DPP9: variants seen among roughly 807,000 people sequenced by gnomAD.
The protein encoded by DPP9 is dipeptidyl peptidase 9.
Under a neutral mutation model 110.7 loss-of-function variants are expected in DPP9, and 50 were observed. That is an observed-to-expected ratio of 0.45 (90% CI 0.36 to 0.57). The LOEUF is 0.57. Ranked by LOEUF, DPP9 falls within the 20% of genes least tolerant of loss-of-function variation. The probability of loss-of-function intolerance (pLI) is 0.00; values close to 1 mark genes in which losing one functional copy is unlikely to be tolerated. For missense variants in DPP9, 1,022 were observed against 1,217.9 expected (o/e 0.84, Z 2.39); for synonymous variants, 561 against 514.4 (o/e 1.09, Z -1.23).
In DPP9 at chr19:4,722,532, T is replaced by A; in HGVS notation, c.-69A>T. 1 of 703,094 alleles carries A rather than the reference T, an allele frequency of 1.4e-6. No homozygotes were observed. Among genetic ancestry groups the A allele is most frequent in the South Asian group, 1.5e-5 (1 of 67,602 alleles). 43.6% of individuals were successfully genotyped at this position (703,094 alleles called of 1,614,324 possible). A position where few individuals can be genotyped will look rare whatever the true frequency, so the allele number is the denominator to read the frequency against. Reference sequence around the variant, plus strand: ...GGGTCCAGAGAGCCTCCATTCCAGCTGCAGGCGTGGGACACAGACCTTTAT... The same window carrying A: ...GGGTCCAGAGAGCCTCCATTCCAGCAGCAGGCGTGGGACACAGACCTTTAT... On this transcript the variant is annotated 5_prime_UTR_variant, in exon 2 of 22. Coordinates refer to ENST00000262960, the MANE Select transcript of DPP9 (RefSeq NM_139159.5).
intron 9 of DPP9, among the ~76,000 whole-genome samples, chr19:4,701,123 G>C (rs1369361742): frequency 1.3e-5 from 2 of 152,162 alleles, no homozygotes; most frequent in African/African-American, 2.4e-5. Context: ...TGGGCTGCAC[G>C]TGTGTTCTGT....
rs751737185 is a variant in DPP9 at position 4,688,739 on chromosome 19, G to A, written c.1885+18C>T. 50 of 1,417,676 alleles carry A rather than the reference G, an allele frequency of 3.5e-5. No homozygotes were observed. The highest frequency in any genetic ancestry group is 4.0e-5 in the Non-Finnish European group (44 of 1,091,142). 87.8% of individuals were successfully genotyped at this position (1,417,676 alleles called of 1,614,324 possible). On this transcript the variant is annotated intron_variant, in intron 16 of 21. Coordinates refer to ENST00000262960, the MANE Select transcript of DPP9 (RefSeq NM_139159.5). ...GGGCGGGCGGAGGCCTCCGTGGGGC[G>A]GGGCAGGGGCTACTCACTGGCTGCC... is the stretch of plus-strand genomic sequence containing the variant.
intron 21 of DPP9, among the ~76,000 whole-genome samples, chr19:4,678,113 CTT>C (rs998983513): frequency 6.8e-6 from 1 of 147,004 alleles, no homozygotes; most frequent in Non-Finnish European, 1.5e-5. Context: ...TCTTTCTTTT[CTT>C]TTTTTTTTTT....
intron 4 of DPP9, among the ~76,000 whole-genome samples, chr19:4,707,132 G>C (rs1422940869): frequency 6.6e-6 from 1 of 152,152 alleles, no homozygotes; most frequent in Non-Finnish European, 1.5e-5. Flanking sequence ...GATTACATGA[G>C]GTAAGAAACG....
In DPP9 at chr19:4,682,961, T is replaced by C. The variant is rs2090117694; in HGVS notation, c.2332-123A>G. On this transcript the variant is annotated intron_variant, in intron 19 of 21. Coordinates refer to ENST00000262960, the MANE Select transcript of DPP9 (RefSeq NM_139159.5). The surrounding 1 kb of genome is among the most constrained non-coding windows in gnomAD (Gnocchi z 7.1). Reference sequence around the variant, plus strand: ...AGCCCGTGAGGAGCGCTCATGCACATGGGGCCGGCAAGGAAGGGGCCCTCA... The same window carrying C: ...AGCCCGTGAGGAGCGCTCATGCACACGGGGCCGGCAAGGAAGGGGCCCTCA... The C allele has an allele frequency of 6.5e-7, 1 of 1,533,456 alleles. No homozygotes were observed. Among genetic ancestry groups the C allele is most frequent in the Middle Eastern group, 1.7e-4 (1 of 5,800 alleles). 95.0% of individuals were successfully genotyped at this position (1,533,456 alleles called of 1,614,324 possible).
chr19:4,677,899 G>C (rs954696246), intron 21 of DPP9, among the ~76,000 whole-genome samples: 3 of 152,152 alleles, frequency 2.0e-5, no homozygotes, highest in Non-Finnish European at 2.9e-5. Flanking sequence ...AATGTGATTT[G>C]TGTATAAAGA....
rs1415287720 is a variant in DPP9, at chr19:4,710,208, T to C, written c.313+3873A>G. Reference sequence around the variant, plus strand: ...AACACCATTTCCCGTCACTGCACGCTGTGGCCTCGAGTGGCTGGCCTGGTG... The same window carrying C: ...AACACCATTTCCCGTCACTGCACGCCGTGGCCTCGAGTGGCTGGCCTGGTG... On this transcript the variant is annotated intron_variant, in intron 4 of 21. Coordinates refer to ENST00000262960, the MANE Select transcript of DPP9 (RefSeq NM_139159.5). The surrounding 1 kb of genome is among the most constrained non-coding windows in gnomAD (Gnocchi z 5.6). Among the ~76,000 whole-genome samples the C allele has an allele frequency of 1.3e-5, 2 of 152,220 alleles. No homozygotes were observed. Among genetic ancestry groups the C allele is most frequent in the Admixed American group, 6.5e-5 (1 of 15,288 alleles).
chr19:4,696,747 CA>C (rs938161417), intron 11 of DPP9, among the ~76,000 whole-genome samples: 7 of 143,310 alleles, frequency 4.9e-5, no homozygotes, highest in African/African-American at 7.7e-5. Context: ...GACTCCGTCT[CA>C]AAAAAAAAAA....
intron 3 of DPP9, chr19:4,716,296 G>C (rs1449887318): frequency 6.6e-6 from 1 of 152,442 alleles, no homozygotes; most frequent in Non-Finnish European, 1.5e-5. Flanking sequence ...CCTGCTTTGA[G>C]AGGGAAGGGG....
In DPP9 at chr19:4,684,753, C is replaced by T. The variant is rs779844588; in HGVS notation, c.2088G>A (p.Leu696=). Residue 696 remains leucine (L), a synonymous_variant, in exon 18 of 22, where the codon CTG becomes CTA. Transcript: ENST00000262960. The surrounding 1 kb of genome is among the most constrained non-coding windows in gnomAD (Gnocchi z 4.8). The part of the protein sequence containing the change: ...KGIKYLRLNT[L]ASLGYAVVVI... ...CAACCACGGCGTAGCCCAGGGAGGC[C>T]AGTGTGTTGAGCCGCAAGTACTTGA... is the stretch of plus-strand genomic sequence containing the variant. 1 of 1,607,728 alleles carries T rather than the reference C, an allele frequency of 6.2e-7. No individual in the cohort carries two copies. Among genetic ancestry groups the T allele is most frequent in the East Asian group, 2.2e-5 (1 of 44,668 alleles).
rs1248277167 is a variant in DPP9 at position 4,710,761 on chromosome 19, C to G, written c.313+3320G>C. ...CCCGAGAACCTGGATGTGACGTGAGCTCAGTGCTGCCCCTGACAGTGTGAA... is the reference window on the plus strand; with the variant it reads ...CCCGAGAACCTGGATGTGACGTGAGGTCAGTGCTGCCCCTGACAGTGTGAA... On this transcript the variant is annotated intron_variant, in intron 4 of 21. Transcript: ENST00000262960. The surrounding 1 kb of genome is among the most constrained non-coding windows in gnomAD (Gnocchi z 5.6). 6.6e-6 allele frequency among the ~76,000 whole-genome samples: 1 copy of G among 152,106 alleles called. No homozygotes were observed. The highest frequency in any genetic ancestry group is 1.5e-5 in the Non-Finnish European group (1 of 68,012).
At position 4,704,952 on chromosome 19, in the gene DPP9, T is replaced by C. The variant is rs2092505079; in HGVS notation, c.427-648A>G. 1.3e-5 allele frequency among the ~76,000 whole-genome samples: 2 copies of C among 151,946 alleles called. No homozygotes were observed. The highest frequency in any genetic ancestry group is 2.4e-5 in the African/African-American group (1 of 41,366). ...GGCAGAGGTTGCAGTGAGCCGAGAT[T>C]GCGCCACTGCACTATAGCCTGAGTG... On this transcript the variant is annotated intron_variant, in intron 5 of 21. Coordinates refer to ENST00000262960, the MANE Select transcript of DPP9 (RefSeq NM_139159.5). The surrounding 1 kb of genome is among the most constrained non-coding windows in gnomAD (Gnocchi z 6.0).
intron 4 of DPP9, among the ~76,000 whole-genome samples, chr19:4,709,766 A>G (rs540262422): frequency 6.6e-6 from 1 of 151,600 alleles, no homozygotes; most frequent in East Asian, 2.0e-4. Flanking sequence ...TCAAAAGTGA[A>G]ACTGTGCAAT....
Position 4,722,589 on chromosome 19 carries a change from A to T in DPP9, c.-88-38T>A, listed in dbSNP as rs928810267. On this transcript the variant is annotated intron_variant, in intron 1 of 21. Coordinates refer to ENST00000262960, the MANE Select transcript of DPP9 (RefSeq NM_139159.5). ...AACATGTCATGAATGTGGCAGGTTA[A>T]TGGAAGCACCGGCCAGCCGTTCAGC... 3.0e-5 allele frequency: 21 copies of T among 702,504 alleles called. No individual in the cohort carries two copies. The African/African-American group carries it at 3.1e-4, about 11-fold the overall frequency. The allele number at this position is 702,504 out of a possible 1,614,324, so 43.5% of individuals were successfully genotyped here.
rs2093379475 is a variant in DPP9 at position 4,722,801 on chromosome 19, CCCCTGGGCTTTAGT to C, written c.-88-264_-88-251del. On this transcript the variant is annotated intron_variant, in intron 1 of 21. Coordinates refer to ENST00000262960, the MANE Select transcript of DPP9 (RefSeq NM_139159.5). ...AGGGATTGGTGCCTACGGTCCACAC[CCCCTGGGCTTTAGT>C]CCCAGCTCCTCGAAAGCAGGTTGGT... 36 of 455,858 alleles carry C rather than the reference CCCCTGGGCTTTAGT, an allele frequency of 7.9e-5. No homozygotes were observed. In the South Asian group the frequency reaches 1.1e-3, roughly 14 times the overall value. The allele number at this position is 455,858 out of a possible 1,614,324, so 28.2% of individuals were successfully genotyped here.
chr19:4,697,607 C>A lies in DPP9; in HGVS notation c.1119G>T (p.Ser373=), dbSNP rs188324856. The change falls in exon 11 of 22, where the codon TCG becomes TCT. Residue 373 remains serine, a synonymous_variant. Transcript: ENST00000262960. ...QEKELVQPFS[S]LFPKVEYIAR... is the part of the protein sequence containing the mutation. ...CGATGTACTCCACCTTCGGGAACAG[C>A]GAGCTGAAGGGCTGCACCAGCTCCT... 8 of 1,613,906 alleles carry A rather than the reference C, an allele frequency of 5.0e-6. No homozygotes were observed. The highest frequency in any genetic ancestry group is 6.8e-6 in the Non-Finnish European group (8 of 1,179,856).
intron 20 of DPP9, 43 bp from the exon 21 acceptor site, chr19:4,679,989 G>A (rs2089583613): frequency 3.4e-6 from 5 of 1,461,332 alleles, no homozygotes; most frequent in Non-Finnish European, 1.9e-6. Context: ...GGGATTGTCC[G>A]TGGGGTAGGA....
chr19:4,676,633 A>G lies in DPP9; in HGVS notation c.2610T>C (p.Ser870=), dbSNP rs2088860651. The change falls in exon 22 of 22, where the codon AGT becomes AGC. Residue 870 remains serine (S), a synonymous_variant. Transcript: ENST00000262960. This position sits in a 1 kb window ranked among gnomAD's most constrained non-coding sequence, Gnocchi z 4.0. ...GCTCGCCCGACTCGGGGCAGCGAAT[A>G]CTGTGTCTCTCGTTGGGGTAGATCT... The part of the protein sequence containing the change: ...QLQIYPNERH[S]IRCPESGEHY... 2 of 1,607,278 alleles carry G rather than the reference A, an allele frequency of 1.2e-6. No individual in the cohort carries two copies. Among genetic ancestry groups the G allele is most frequent in the African/African-American group, 2.7e-5 (2 of 74,770 alleles).
At chr19:4,713,357 C>T (rs2145895315) in intron 4 of DPP9, among the ~76,000 whole-genome samples, 1 of 152,358 alleles carries the variant, frequency 6.6e-6, no homozygotes, top group South Asian at 2.1e-4. Context: ...GGAGCCAGGC[C>T]CACAGTGGCT....
Sources: gnomAD v4.1 joint callset for allele counts (sites outside exome capture counted in the v4.1 genomes callset) on GRCh38, gnomAD v4.1.1 for gene constraint, Gnocchi (gnomAD v3.1) non-coding constraint, MANE v1.5 for transcripts, NCBI Gene and HGNC (gene_info 2026-07-23, HGNC 2026-07-21) for gene names.